CNST: variants seen among roughly 807,000 people sequenced by gnomAD.
CNST encodes consortin.
CNST carries 39 observed loss-of-function variants against 72.4 expected under a neutral mutation model. The observed-to-expected ratio is 0.54, with a 90% CI of 0.42 to 0.70. CNST has a LOEUF of 0.70. CNST is among the 30% of genes least tolerant of loss of function. CNST has a pLI of 0.00. For synonymous variants in CNST, 332 were observed against 320.1 expected (o/e 1.04, Z -0.40); for missense variants, 871 against 868.5 (o/e 1.00, Z -0.04).
rs913341126 is a variant in CNST, at chr1:246,660,979, GT to G, written c.1972+655del. 3.4e-3 allele frequency among the ~76,000 whole-genome samples: 502 copies of G among 146,230 alleles called. 2 individuals carry two copies. Among genetic ancestry groups the G allele is most frequent in the African/African-American group, 0.012 (476 of 40,006 alleles). ...TATTTTTGTCTTTTGTTGTTTTTTTGTTTTTTTTTTAAGACGGTCTTGCTCT... is the reference window on the plus strand; with the variant it reads ...TATTTTTGTCTTTTGTTGTTTTTTTGTTTTTTTTTAAGACGGTCTTGCTCT... On this transcript the variant is annotated intron_variant, in intron 10 of 10. Transcript: ENST00000366513.
intron 2 of CNST, among the ~76,000 whole-genome samples, chr1:246,615,342 AT>A (rs1439267274): frequency 1.3e-5 from 2 of 151,732 alleles, no homozygotes; most frequent in African/African-American, 4.8e-5. Flanking sequence ...GGCCCGGCTA[AT>A]TTTTTGTATT....
intron 1 of CNST, among the ~76,000 whole-genome samples, chr1:246,568,174 A>G (rs1452201816): frequency 6.6e-6 from 1 of 152,160 alleles, no homozygotes; most frequent in African/African-American, 2.4e-5. Flanking sequence ...AGAAAAATAA[A>G]CACATTGTGG....
At chr1:246,654,178 G>A (rs1416213570) in intron 9 of CNST, among the ~76,000 whole-genome samples, 1 of 152,160 alleles carries the variant, frequency 6.6e-6, no homozygotes, top group Non-Finnish European at 1.5e-5. Context: ...GTCATCTTCT[G>A]TCCTGGGGTC....
chr1:246,625,414 CTTTTTTTTTTTTT>C (rs61588900), intron 3 of CNST, among the ~76,000 whole-genome samples: 3 of 56,102 alleles, frequency 5.3e-5, no homozygotes, highest in African/African-American at 7.3e-5. Flanking sequence ...TTATTTCTTT[CTTTTTTTTTTTTT>C]TTTTTTTTTT....
At chr1:246,584,848 T>C (rs1180099689) in intron 1 of CNST, among the ~76,000 whole-genome samples, 2 of 152,222 alleles carry the variant, frequency 1.3e-5, no homozygotes, top group African/African-American at 2.4e-5. Context: ...TTCTGCTGTT[T>C]TTTTCCCCCA....
At chr1:246,646,142 A>T (rs1666050099) in intron 8 of CNST, among the ~76,000 whole-genome samples, 1 of 151,342 alleles carries the variant, frequency 6.6e-6, no homozygotes, top group African/African-American at 2.4e-5. Flanking sequence ...TAGCTGGGCA[A>T]GGTGGCGGGC....
At position 246,631,918 on chromosome 1, in the gene CNST, G is replaced by A; in HGVS notation, c.610G>A (p.Glu204Lys). Residue 204 changes from glutamate to lysine, a missense_variant, in exon 4 of 11, where the codon GAG becomes AAG. By Grantham distance (56) the Glu-to-Lys change is moderately conservative. Transcript: ENST00000366513. ...GATAGCAGAATCCTATTTCCAGGAG[G>A]AGGACTGTATCCTTTTCTTAATTAC... is the stretch of plus-strand genomic sequence containing the variant. Reference protein sequence around the residue: ...HQIAESYFQEEDYEKAMKFIQ... With the variant: ...HQIAESYFQEKDYEKAMKFIQ... 6.5e-7 allele frequency: 1 copy of A among 1,548,274 alleles called. No individual in the cohort carries two copies. Among genetic ancestry groups the A allele is most frequent in the Non-Finnish European group, 8.8e-7 (1 of 1,132,726 alleles).
chr1:246,659,438 C>A (rs183979361), intron 9 of CNST, among the ~76,000 whole-genome samples: 4 of 152,034 alleles, frequency 2.6e-5, no homozygotes, highest in African/African-American at 9.7e-5. Context: ...ACTGAAAATA[C>A]AAAAAAATTA....
chr1:246,664,484 T>C (rs1667283816), intron 10 of CNST, among the ~76,000 whole-genome samples: 1 of 151,894 alleles, frequency 6.6e-6, no homozygotes, highest in Non-Finnish European at 1.5e-5. Context: ...TGGAGTGCAG[T>C]GGTGTGATCT....
chr1:246,590,962 A>T (rs187993391), intron 1 of CNST, among the ~76,000 whole-genome samples: 12 of 152,096 alleles, frequency 7.9e-5, no homozygotes, highest in Admixed American at 7.2e-4. Flanking sequence ...GATAGTATAA[A>T]TATATGCTAC....
rs61852426 is a variant in CNST, at chr1:246,659,390, C to T, written c.1837-809C>T. 7.9e-5 allele frequency among the ~76,000 whole-genome samples: 12 copies of T among 152,116 alleles called. No individual in the cohort carries two copies. The East Asian group carries it at 9.7e-4, about 12-fold the overall frequency. ...CGGGCAGATCACGAGGTCAGGAGAT[C>T]GAGACCATCCTGGCTAACTCGGTGA... On this transcript the variant is annotated intron_variant, in intron 9 of 10. Coordinates refer to ENST00000366513, the MANE Select transcript of CNST (RefSeq NM_152609.3).
Position 246,667,568 on chromosome 1 carries a change from A to C in CNST, c.*1663A>C, listed in dbSNP as rs1667438721. The stretch of plus-strand genomic sequence containing the variant: ...TTATTTAGAAATGTACAAGATAATG[A>C]AATTTAGATTCCTTATACTTAAGGC... On this transcript the variant is annotated 3_prime_UTR_variant, in exon 11 of 11. Transcript: ENST00000366513. 6.6e-6 allele frequency: 1 copy of C among 152,230 alleles called. No individual in the cohort carries two copies. Among genetic ancestry groups the C allele is most frequent in the East Asian group, 1.9e-4 (1 of 5,204 alleles). 9.4% of individuals were successfully genotyped at this position (152,230 alleles called of 1,614,324 possible). A position where few individuals can be genotyped will look rare whatever the true frequency, so the allele number is the denominator to read the frequency against.
intron 5 of CNST, 124 bp downstream of exon 5, chr1:246,634,134 G>C: frequency 2.9e-6 from 2 of 678,498 alleles, no homozygotes; most frequent in Non-Finnish European, 5.1e-6. Flanking sequence ...ACAAGTTAAT[G>C]TTGCAAAGAA....
intron 2 of CNST, among the ~76,000 whole-genome samples, chr1:246,595,326 C>T (rs1483758203): frequency 6.6e-5 from 10 of 152,138 alleles, no homozygotes; most frequent in African/African-American, 9.7e-5. Flanking sequence ...TTCAGCCTGT[C>T]GTCTCTCAGT....
chr1:246,637,593 G>A (rs1177819388), intron 6 of CNST, among the ~76,000 whole-genome samples: 3 of 152,186 alleles, frequency 2.0e-5, no homozygotes, highest in Non-Finnish European at 2.9e-5. Flanking sequence ...TCTCATCCAC[G>A]ACTGGTGGGT....
At chr1:246,594,416 A>G (rs1337288955) in intron 2 of CNST, among the ~76,000 whole-genome samples, 1 of 152,184 alleles carries the variant, frequency 6.6e-6, no homozygotes, top group Admixed American at 6.5e-5. Context: ...AAATCTAGGG[A>G]TAGTCTTTAT....
At position 246,647,285 on chromosome 1, in the gene CNST, G is replaced by A; in HGVS notation, c.1084G>A (p.Glu362Lys). 1 of 1,614,066 alleles carries A rather than the reference G, an allele frequency of 6.2e-7. No individual in the cohort carries two copies. The highest frequency in any genetic ancestry group is 1.1e-5 in the South Asian group (1 of 91,060). ...AACTGCAGGAAAGGACCACATGGAGGAGCTGCTCTGCAGCGCTGAAGCCAC... is the reference window on the plus strand; with the variant it reads ...AACTGCAGGAAAGGACCACATGGAGAAGCTGCTCTGCAGCGCTGAAGCCAC... ...SVTAGKDHME[E>K]LLCSAEATLA... Residue 362 changes from glutamate to lysine, a missense_variant, in exon 9 of 11, where the codon GAG (glutamate) becomes AAG (lysine). Glu to Lys is a moderately conservative substitution (Grantham distance 56, BLOSUM62 1). Coordinates refer to ENST00000366513, the MANE Select transcript of CNST (RefSeq NM_152609.3).
At chr1:246,621,681 G>A (rs1347846653) in intron 3 of CNST, 47 bp downstream of exon 3, 1 of 1,489,848 alleles carries the variant, frequency 6.7e-7, no homozygotes. Context: ...AATTCCCCTA[G>A]CAGTGTTTGG....
chr1:246,635,686 C>T (rs1389421495), intron 6 of CNST, among the ~76,000 whole-genome samples: 3 of 152,088 alleles, frequency 2.0e-5, no homozygotes, highest in East Asian at 1.9e-4. Flanking sequence ...AGCGCTGGGG[C>T]GGTTTGGTTA....
Sources: allele counts gnomAD v4.1 joint callset (sites outside exome capture counted in the v4.1 genomes callset), GRCh38; gene constraint gnomAD v4.1.1; transcripts MANE v1.5; gene names NCBI Gene and HGNC (gene_info 2026-07-23, HGNC 2026-07-21).